The following PGPEP1L variants were observed in gnomAD, a reference collection of about 807,000 sequenced individuals.
PGPEP1L encodes pyroglutamyl-peptidase I like.
In PGPEP1L, 7 loss-of-function variants were observed where a neutral mutation model predicts 6.0. The ratio of observed to expected loss-of-function variants is 1.17; its 90% CI spans 0.66 to 2.19. The LOEUF is 2.19. Ranked by LOEUF, PGPEP1L falls within the 30% of genes most tolerant of loss-of-function variation. The probability of loss-of-function intolerance (pLI) is 0.00; values close to 1 mark genes in which losing one functional copy is unlikely to be tolerated. For synonymous variants in PGPEP1L, 103 were observed against 83.9 expected (o/e 1.23, Z -1.24); for missense variants, 209 against 192.5 (o/e 1.09, Z -0.51).
intron 2 of PGPEP1L, among the ~76,000 whole-genome samples, chr15:98,989,924 C>G (rs75339977): frequency 1.3e-5 from 2 of 152,148 alleles, no homozygotes; most frequent in Non-Finnish European, 2.9e-5. Flanking sequence ...TACAGACAAG[C>G]AAGTGCTGAG....
intron 1 of PGPEP1L, among the ~76,000 whole-genome samples, chr15:99,006,662 ATTAT>A (rs1855739168): frequency 6.6e-6 from 1 of 152,168 alleles, no homozygotes; most frequent in Non-Finnish European, 1.5e-5. Flanking sequence ...GACTGCATCA[ATTAT>A]TTTTTTCAAA....
chr15:98,978,295 G>A (rs2017598912), intron 2 of PGPEP1L, among the ~76,000 whole-genome samples: 1 of 152,176 alleles, frequency 6.6e-6, no homozygotes, highest in Non-Finnish European at 1.5e-5. Context: ...GGGCACCCCT[G>A]AGAGGTGCAA....
At chr15:98,971,901 G>A (rs976545522) in intron 2 of PGPEP1L, among the ~76,000 whole-genome samples, 1 of 152,180 alleles carries the variant, frequency 6.6e-6, no homozygotes, top group Admixed American at 6.5e-5. Context: ...CAAAAATGTG[G>A]GTGAAGGTTG....
At chr15:99,000,840 A>G (rs1447246991) in intron 2 of PGPEP1L, among the ~76,000 whole-genome samples, 1 of 152,172 alleles carries the variant, frequency 6.6e-6, no homozygotes, top group African/African-American at 2.4e-5. Context: ...CAACAGTGGC[A>G]ACCCACTCGG....
At chr15:99,001,692 TCA>T (rs1476547375) in intron 2 of PGPEP1L, among the ~76,000 whole-genome samples, 15 of 20,334 alleles carry the variant, frequency 7.4e-4, no homozygotes, top group African/African-American at 1.8e-3. Flanking sequence ...CTGTATGATT[TCA>T]TTTATATATT....
In PGPEP1L at chr15:99,000,477, G is replaced by A. The variant is rs374275644; in HGVS notation, c.-142+4952C>T. Among the ~76,000 whole-genome samples, 15 of 152,342 alleles carry A rather than the reference G, an allele frequency of 9.8e-5. No individual in the cohort carries two copies. The South Asian group carries it at 3.1e-3, about 32-fold the overall frequency. The stretch of plus-strand genomic sequence containing the variant: ...AGCCAGCTGGGCTCCTGAGTCTGGT[G>A]GGGATGGAGAACCTTTATTTCTAGC... On this transcript the variant is annotated intron_variant, in intron 2 of 4. Transcript: ENST00000535714.
chr15:99,004,884 G>A (rs1478597747), intron 2 of PGPEP1L, among the ~76,000 whole-genome samples: 3 of 151,776 alleles, frequency 2.0e-5, no homozygotes, highest in Non-Finnish European at 2.9e-5. Context: ...TGGGGCTCAG[G>A]GTCTCCAGCT....
intron 2 of PGPEP1L, among the ~76,000 whole-genome samples, chr15:98,984,134 C>T (rs931183024): frequency 6.6e-6 from 1 of 151,672 alleles, no homozygotes; most frequent in Non-Finnish European, 1.5e-5. Flanking sequence ...CCTCAGCCTC[C>T]CAAGTAGCTG....
rs189008105 is a variant in PGPEP1L, at chr15:99,005,469, G to C, written c.-182C>G. ...AGCTGGGCTGGGAATCCATGAAGAC[G>C]AAGTGGGAGCTCGCGCTGCGCCTCC... On this transcript the variant is annotated 5_prime_UTR_variant, in exon 2 of 5. Transcript: ENST00000535714. 8 of 152,656 alleles carry C rather than the reference G, an allele frequency of 5.2e-5. No homozygotes were observed. In the East Asian group the frequency reaches 1.5e-3, roughly 29 times the overall value. 9.5% of individuals were successfully genotyped at this position (152,656 alleles called of 1,614,324 possible).
chr15:99,004,894 T>C (rs2018026802), intron 2 of PGPEP1L, among the ~76,000 whole-genome samples: 1 of 151,326 alleles, frequency 6.6e-6, no homozygotes, highest in Non-Finnish European at 1.5e-5. Flanking sequence ...GGTCTCCAGC[T>C]AGTGGCTCTC....
chr15:98,969,497 A>ACC lies in PGPEP1L; in HGVS notation c.135_136dup (p.Val46GlyfsTer4). On this transcript the variant is annotated frameshift_variant, in exon 4 of 5. Coordinates refer to ENST00000535714, the MANE Select transcript of PGPEP1L (RefSeq NM_001167902.2). LOFTEE classifies it high-confidence loss of function. ...GCGCTTGCAGACTGCCTTCATGCAG[A>ACC]CCCCTGACTCCAGCACGTCTGGGCT... 6.2e-7 allele frequency: 1 copy of ACC among 1,613,896 alleles called. No homozygotes were observed. The highest frequency in any genetic ancestry group is 1.3e-5 in the African/African-American group (1 of 74,992).
intron 2 of PGPEP1L, among the ~76,000 whole-genome samples, chr15:98,972,909 T>A (rs553508820): frequency 7.2e-5 from 9 of 125,784 alleles, no homozygotes; most frequent in Admixed American, 6.7e-4. Context: ...AAAAGTGCAG[T>A]GTAGCTGAAT....
At chr15:98,987,629 A>T (rs954924816) in intron 2 of PGPEP1L, among the ~76,000 whole-genome samples, 1 of 152,004 alleles carries the variant, frequency 6.6e-6, no homozygotes, top group Admixed American at 6.5e-5. Context: ...TTGTTTGTTT[A>T]CTTATCTGTT....
intron 2 of PGPEP1L, among the ~76,000 whole-genome samples, chr15:98,978,023 G>A (rs2151756779): frequency 6.6e-6 from 1 of 152,324 alleles, no homozygotes; most frequent in South Asian, 2.1e-4. Context: ...GCAAAAAATA[G>A]GGTGAGCCCA....
At chr15:98,981,362 C>T (rs532551751) in intron 2 of PGPEP1L, among the ~76,000 whole-genome samples, 34 of 151,656 alleles carry the variant, frequency 2.2e-4, no homozygotes, top group Admixed American at 3.9e-4. Flanking sequence ...TGCTGGCGGG[C>T]GCCTGTAGTC....
At chr15:98,979,628 CTATTCTTTTTTTTTTTTTTTTTT>C (rs1206275911) in intron 2 of PGPEP1L, among the ~76,000 whole-genome samples, 1 of 75,882 alleles carries the variant, frequency 1.3e-5, no homozygotes, top group Non-Finnish European at 2.7e-5. Context: ...GGATTGGAGA[CTATTCTTTTTTTTTTTTTTTTTT>C]TTTTTTTTTT....
intron 3 of PGPEP1L, 105 bp downstream of exon 3, chr15:98,970,931 C>T (rs972316268): frequency 6.7e-6 from 10 of 1,503,228 alleles, no homozygotes; most frequent in East Asian, 4.6e-5. Flanking sequence ...GGCCTGGGGA[C>T]GGGGTGCCCC....
intron 2 of PGPEP1L, among the ~76,000 whole-genome samples, chr15:98,993,264 C>A (rs764430408): frequency 1.3e-5 from 2 of 152,050 alleles, no homozygotes; most frequent in Non-Finnish European, 2.9e-5. Context: ...AAGAAAAAAA[C>A]AACCCCATCA....
intron 2 of PGPEP1L, among the ~76,000 whole-genome samples, chr15:98,979,558 A>T (rs889655577): frequency 4.6e-5 from 7 of 151,452 alleles, no homozygotes; most frequent in African/African-American, 1.7e-4. Context: ...TATAGATAGG[A>T]TGGAATACTA....
Sources: gnomAD v4.1 joint callset for allele counts (sites outside exome capture counted in the v4.1 genomes callset) on GRCh38, gnomAD v4.1.1 for gene constraint, MANE v1.5 for transcripts, NCBI Gene and HGNC (gene_info 2026-07-23, HGNC 2026-07-21) for gene names.